RELB: variants seen among roughly 807,000 people sequenced by gnomAD.
The protein encoded by RELB is transcription factor RelB.
A neutral mutation model predicts 55.4 loss-of-function variants in RELB; 14 were observed. The observed-to-expected ratio is 0.25, with a 90% CI of 0.17 to 0.40. The LOEUF (loss-of-function observed/expected upper bound fraction) is 0.40. RELB is among the 10% of genes least tolerant of loss of function. The pLI is 1.00. For missense variants in RELB, 669 were observed against 830.7 expected (o/e 0.81, Z 2.39); for synonymous variants, 409 against 371.3 (o/e 1.10, Z -1.17).
Position 45,037,897 on chromosome 19 carries a change from T to G in RELB, c.*107T>G, listed in dbSNP as rs1157261821. 9.5e-6 allele frequency: 11 copies of G among 1,154,248 alleles called. No individual in the cohort carries two copies. The highest frequency in any genetic ancestry group is 6.4e-5 in the Admixed American group (2 of 31,038). 71.5% of individuals were successfully genotyped at this position (1,154,248 alleles called of 1,614,324 possible). A position where few individuals can be genotyped will look rare whatever the true frequency, so the allele number is the denominator to read the frequency against. ...CCATCCCCTTGGCCCTTCCTCATGC[T>G]TCTGAAGTGGACATATTCAGCCTTG... On this transcript the variant is annotated 3_prime_UTR_variant, in exon 12 of 12. Coordinates refer to ENST00000221452, the MANE Select transcript of RELB (RefSeq NM_006509.4).
rs1388343479 is a variant in RELB at position 45,032,767 on chromosome 19, G to A, written c.1207+18G>A. ...CGACCATGGTAACTACAGCAACCCA[G>A]GGTGACCCACCACCTCGGAGACTAG... On this transcript the variant is annotated intron_variant, in intron 9 of 11. Transcript: ENST00000221452. 2 of 1,589,566 alleles carry A rather than the reference G, an allele frequency of 1.3e-6. No individual in the cohort carries two copies. The highest frequency in any genetic ancestry group is 1.8e-5 in the Admixed American group (1 of 56,574).
At chr19:45,028,222 A>G (rs1971580605) in intron 7 of RELB, among the ~76,000 whole-genome samples, 1 of 151,320 alleles carries the variant, frequency 6.6e-6, no homozygotes, top group African/African-American at 2.4e-5. Context: ...GGGGTCTGCT[A>G]TGTTGCCCAG....
chr19:45,008,000 C>CAAAAA (rs57007961), intron 2 of RELB, among the ~76,000 whole-genome samples: 10 of 63,004 alleles, frequency 1.6e-4, no homozygotes, highest in Non-Finnish European at 2.7e-4. Flanking sequence ...GCTAAAAATA[C>CAAAAA]AAAAAAAAAA....
chr19:45,010,017 G>T (rs954995308), intron 3 of RELB, among the ~76,000 whole-genome samples, 195 bp downstream of exon 3: 1 of 152,010 alleles, frequency 6.6e-6, no homozygotes, highest in Non-Finnish European at 1.5e-5. Flanking sequence ...CACTCAGCAC[G>T]CCGGGGGCTG....
chr19:45,029,406 A>G (rs1436016613), intron 8 of RELB, among the ~76,000 whole-genome samples: 1 of 152,092 alleles, frequency 6.6e-6, no homozygotes, highest in Non-Finnish European at 1.5e-5. Context: ...GCCCTTCCTC[A>G]AACAGGCTTT....
chr19:45,033,675 ACT>A (rs1491359024), intron 9 of RELB, among the ~76,000 whole-genome samples: 1 of 151,120 alleles, frequency 6.6e-6, no homozygotes, highest in Non-Finnish European at 1.5e-5. Flanking sequence ...ACAGAGCAAG[ACT>A]CACTACAGGC....
chr19:45,027,035 C>A (rs1427716713), intron 7 of RELB, among the ~76,000 whole-genome samples: 1 of 152,112 alleles, frequency 6.6e-6, no homozygotes, highest in East Asian at 1.9e-4. Flanking sequence ...CGAGACCATC[C>A]TGGCTAACAT....
At chr19:45,011,793 T>TGG in intron 3 of RELB, 143 bp from the exon 4 acceptor site, 1 of 227,808 alleles carries the variant, frequency 4.4e-6, no homozygotes, top group African/African-American at 6.3e-5. Context: ...TGTGTGTGTG[T>TGG]GTGTGAGAGA....
At chr19:45,016,150 A>G (rs1467753304) in intron 4 of RELB, among the ~76,000 whole-genome samples, 1 of 151,668 alleles carries the variant, frequency 6.6e-6, no homozygotes, top group South Asian at 2.1e-4. Context: ...AGGCCCGGCT[A>G]ATTTTTGTGT....
intron 2 of RELB, among the ~76,000 whole-genome samples, chr19:45,003,237 C>T (rs1374074997): frequency 6.6e-5 from 10 of 151,912 alleles, no homozygotes; most frequent in African/African-American, 2.4e-4. Context: ...TTTGGGAGGC[C>T]GAGGCGGACG....
At chr19:45,025,060 T>C (rs1239959059) in intron 5 of RELB, among the ~76,000 whole-genome samples, 2 of 151,932 alleles carry the variant, frequency 1.3e-5, no homozygotes, top group Admixed American at 6.6e-5. Context: ...GGTTTCACCA[T>C]GTTGGCCATG....
intron 5 of RELB, 92 bp downstream of exon 5, chr19:45,022,302 G>A (rs2086175195): frequency 1.5e-6 from 2 of 1,328,212 alleles, no homozygotes; most frequent in Non-Finnish European, 2.0e-6. Context: ...GCAGAGGGCA[G>A]CTTGGGTAAA....
At chr19:45,029,743 G>C (rs1457356645) in intron 8 of RELB, among the ~76,000 whole-genome samples, 1 of 152,008 alleles carries the variant, frequency 6.6e-6, no homozygotes, top group Non-Finnish European at 1.5e-5. Flanking sequence ...CCAGCTACTC[G>C]GGAGGCTGAG....
At chr19:45,037,324 G>A in intron 11 of RELB, 81 bp from the exon 12 acceptor site, 1 of 1,371,494 alleles carries the variant, frequency 7.3e-7, no homozygotes, top group Admixed American at 2.7e-5. Flanking sequence ...ACATTTTGCA[G>A]GGAGTAGGGC....
chr19:45,003,084 A>G, intron 2 of RELB, 88 bp downstream of exon 2: 2 of 1,303,398 alleles, frequency 1.5e-6, no homozygotes, highest in Non-Finnish European at 2.1e-6. Flanking sequence ...TTGGGGGTTC[A>G]CGAGGTCCAC....
intron 2 of RELB, among the ~76,000 whole-genome samples, chr19:45,006,115 G>A (rs1190533377): frequency 6.6e-6 from 1 of 152,220 alleles, no homozygotes; most frequent in Non-Finnish European, 1.5e-5. Context: ...ATTATAAAAT[G>A]TGATAAGGGC....
At chr19:45,027,602 G>A (rs1971573836) in intron 7 of RELB, among the ~76,000 whole-genome samples, 1 of 152,120 alleles carries the variant, frequency 6.6e-6, no homozygotes. Flanking sequence ...GCACTGCTCT[G>A]ATTGGCCAGG....
chr19:45,009,874 C>A, intron 3 of RELB, 52 bp downstream of exon 3: 3 of 1,542,298 alleles, frequency 1.9e-6, no homozygotes, highest in South Asian at 1.1e-5. Context: ...CAAGTGCCTA[C>A]AGAAGGGGGT....
chr19:45,033,689 C>T (rs928140953), intron 9 of RELB, among the ~76,000 whole-genome samples: 7 of 149,410 alleles, frequency 4.7e-5, no homozygotes, highest in Admixed American at 4.7e-4. Context: ...ACTACAGGCA[C>T]CCGCCACCAT....
Sources: gnomAD v4.1 joint callset for allele counts (sites outside exome capture counted in the v4.1 genomes callset) on GRCh38, gnomAD v4.1.1 for gene constraint, MANE v1.5 for transcripts, NCBI Gene and HGNC (gene_info 2026-07-23, HGNC 2026-07-21) for gene names.